The following FAM3A variants were observed in gnomAD, a reference collection of about 807,000 sequenced individuals.
FAM3A encodes the protein FAM3 metabolism regulating signaling molecule A, also known as protein FAM3A.
In FAM3A, 5 loss-of-function variants were observed where a neutral mutation model predicts 18.1. The ratio of observed to expected loss-of-function variants is 0.28; its 90% CI spans 0.14 to 0.58. The LOEUF is 0.58. FAM3A is among the 20% of genes least tolerant of loss of function. FAM3A has a pLI of 0.91. For missense variants in FAM3A, 154 were observed against 216.6 expected, an observed-to-expected ratio of 0.71 and a Z score of 1.81; for synonymous variants, 108 against 90.2, an observed-to-expected ratio of 1.20 and a Z score of -1.12.
intron 3 of FAM3A, chrX:154,508,882 GAAGT>G (rs2069716264): frequency 2.3e-6 from 1 of 432,053 alleles, no homozygotes; most frequent in Non-Finnish European, 4.4e-6. Context: ...AAGCAGGGGT[GAAGT>G]AAGTCAGGCT....
chrX:154,512,595 T>C (rs782720614), intron 2 of FAM3A, among the ~76,000 whole-genome samples: 35 of 111,436 alleles, frequency 3.1e-4, no homozygotes, highest in African/African-American at 1.1e-3. Context: ...CTGACTCCAG[T>C]TGGGCATATA....
At chrX:154,508,220 C>T (rs1410147516) in intron 5 of FAM3A, 69 bp downstream of exon 5, 36 of 864,935 alleles carry the variant, frequency 4.2e-5, no homozygotes, top group Non-Finnish European at 5.3e-5. Context: ...GGAGGGCAAA[C>T]ACCCAGAGGC....
intron 3 of FAM3A, chrX:154,508,957 T>G: frequency 4.1e-6 from 1 of 245,237 alleles, no homozygotes; most frequent in Non-Finnish European, 7.9e-6. Context: ...GGGGGTAGTG[T>G]GGCAGGGGGT....
chrX:154,507,519 G>C lies in FAM3A; in HGVS notation c.386-29C>G, dbSNP rs1402628202. Reference sequence around the variant, plus strand: ...GGGGGGCAGGTGCCACGGAACAGGGGTCATCAGGCACCACTGAGCACCCTC... The same window carrying C: ...GGGGGGCAGGTGCCACGGAACAGGGCTCATCAGGCACCACTGAGCACCCTC... On this transcript the variant is annotated intron_variant, in intron 6 of 8. Coordinates refer to ENST00000447601, the MANE Select transcript of FAM3A (RefSeq NM_021806.4). The C allele has an allele frequency of 2.6e-6, 3 of 1,174,366 alleles. No individual in the cohort carries two copies. In the Admixed American group the frequency reaches 6.6e-5, roughly 26 times the overall value.
chrX:154,509,172 GT>G (rs1287405666), intron 3 of FAM3A: 1 of 185,233 alleles, frequency 5.4e-6, no homozygotes, highest in Non-Finnish European at 1.0e-5. Flanking sequence ...CATGACTGAT[GT>G]CCTTATAAGA....
rs1259991073 is a variant in FAM3A, at chrX:154,507,338, T to C, written c.471-9A>G. The C allele has an allele frequency of 2.5e-6, 3 of 1,211,791 alleles. No individual in the cohort carries two copies. Among genetic ancestry groups the C allele is most frequent in the Non-Finnish European group, 3.4e-6 (3 of 895,395 alleles). On this transcript the variant is annotated splice_polypyrimidine_tract_variant and intron_variant, in intron 7 of 8. Coordinates refer to ENST00000447601, the MANE Select transcript of FAM3A (RefSeq NM_021806.4). ...TGGTCTCTTCATTCATCCTGCAGCA[T>C]GGGAGGAAGGGGTGTCAGCTGTTGC...
At position 154,508,362 on chromosome X, in the gene FAM3A, G is replaced by A. The variant is rs1557220488; in HGVS notation, c.276-15C>T. 2.7e-6 allele frequency: 1 copy of A among 376,586 alleles called. No individual in the cohort carries two copies. The highest frequency in any genetic ancestry group is 4.7e-6 in the Non-Finnish European group (1 of 211,695). The allele number at this position is 376,586 out of a possible 1,213,427, so 31.0% of individuals were successfully genotyped here. On this transcript the variant is annotated splice_polypyrimidine_tract_variant and intron_variant, in intron 4 of 8. Coordinates refer to ENST00000447601, the MANE Select transcript of FAM3A (RefSeq NM_021806.4). ...TGCTCATCAGCCTAGTTGGGGGGGG[G>A]TGGGGGGGACGGGGAGATCCCACAT...
In FAM3A at chrX:154,516,009, T is replaced by G; in HGVS notation, c.-237A>C. ...CTCAGGAACCCGTTGGCTCACGATCTTGCCCACAGGAGCCTCCGGGGCTGG... is the reference window on the plus strand; with the variant it reads ...CTCAGGAACCCGTTGGCTCACGATCGTGCCCACAGGAGCCTCCGGGGCTGG... On this transcript the variant is annotated 5_prime_UTR_variant, in exon 1 of 9. Coordinates refer to ENST00000447601, the MANE Select transcript of FAM3A (RefSeq NM_021806.4). 4.7e-6 allele frequency: 2 copies of G among 422,715 alleles called. No homozygotes were observed. The highest frequency in any genetic ancestry group is 8.3e-6 in the Non-Finnish European group (2 of 241,818). The allele number at this position is 422,715 out of a possible 1,213,427, so 34.8% of individuals were successfully genotyped here. A position where few individuals can be genotyped will look rare whatever the true frequency, so the allele number is the denominator to read the frequency against.
At position 154,507,600 on chromosome X, in the gene FAM3A, G is replaced by A. The variant is rs1436527967; in HGVS notation, c.386-110C>T. On this transcript the variant is annotated intron_variant, in intron 6 of 8. Coordinates refer to ENST00000447601, the MANE Select transcript of FAM3A (RefSeq NM_021806.4). The stretch of plus-strand genomic sequence containing the variant: ...GAAGTAGGGATTGGGCCTGGGACAT[G>A]CCCCGCCAAGGGACAGGCTGGTGTA... The A allele has an allele frequency of 4.5e-6, 4 of 898,150 alleles. No individual in the cohort carries two copies. In the Admixed American group the frequency reaches 1.0e-4, roughly 24 times the overall value. 74.0% of individuals were successfully genotyped at this position (898,150 alleles called of 1,213,427 possible).
In FAM3A at chrX:154,508,581, C is replaced by T. The variant is rs2069692971; in HGVS notation, c.168G>A (p.Lys56=). ...ACGGCTGGGGCAGGCCACACTTGTA[C>T]TTCCTGGCCCGTGGCGCTGGGCAGG... ...SSVTAAPRAR[K]YKCGLPQPCP... is the part of the protein sequence containing the mutation. Residue 56 remains lysine (K), a synonymous_variant, in exon 4 of 9, where the codon AAG becomes AAA. Transcript: ENST00000447601. 1.7e-6 allele frequency: 2 copies of T among 1,193,929 alleles called. No individual in the cohort carries two copies. The highest frequency in any genetic ancestry group is 1.7e-5 in the African/African-American group (1 of 57,788).
At chrX:154,507,602 C>G (rs1238079930) in intron 6 of FAM3A, 112 bp from the exon 7 acceptor site, 2 of 896,538 alleles carry the variant, frequency 2.2e-6, no homozygotes, top group Non-Finnish European at 3.1e-6. Flanking sequence ...TGGGACATGC[C>G]CCGCCAAGGG....
In FAM3A at chrX:154,515,619, G is replaced by A. The variant is rs2070154881; in HGVS notation, c.13+141C>T. ...AAGGATTTGGTTAAGGTCAAGGAAC[G>A]AGTGTTTGTGCAGAGTCCTCCATTT... On this transcript the variant is annotated intron_variant, in intron 1 of 8. Coordinates refer to ENST00000447601, the MANE Select transcript of FAM3A (RefSeq NM_021806.4). 6.2e-6 allele frequency: 4 copies of A among 648,176 alleles called. No homozygotes were observed. In the African/African-American group the frequency reaches 6.5e-5, roughly 10 times the overall value. 53.4% of individuals were successfully genotyped at this position (648,176 alleles called of 1,213,427 possible).
At chrX:154,508,967 T>A in intron 3 of FAM3A, 2 of 249,869 alleles carry the variant, frequency 8.0e-6, no homozygotes, top group Non-Finnish European at 1.5e-5. Context: ...TGGCAGGGGG[T>A]GCAGCCTGTC....
Position 154,512,942 on chromosome X carries a change from G to A in FAM3A, c.14-6C>T. ...GACCACAATGCGGAGAGGGCCTGGA[G>A]GCAGGATAGACACAGGGTGGGGTCA... On this transcript the variant is annotated splice_polypyrimidine_tract_variant and splice_region_variant and intron_variant, in intron 1 of 8. Coordinates refer to ENST00000447601, the MANE Select transcript of FAM3A (RefSeq NM_021806.4). The A allele has an allele frequency of 6.8e-6, 8 of 1,175,416 alleles. No individual in the cohort carries two copies. Among genetic ancestry groups the A allele is most frequent in the Non-Finnish European group, 9.3e-6 (8 of 862,604 alleles).
chrX:154,509,882 A>G (rs1391331703), intron 3 of FAM3A: 2 of 112,524 alleles, frequency 1.8e-5, no homozygotes, highest in Non-Finnish European at 3.8e-5. Flanking sequence ...CATTTAAACC[A>G]TATCAAGGCT....
At position 154,506,518 on chromosome X, in the gene FAM3A, G is replaced by A. The variant is rs960586187; in HGVS notation, c.*293C>T. The A allele has an allele frequency of 1.2e-4, 39 of 326,895 alleles. 1 individual carries two copies. Among genetic ancestry groups the A allele is most frequent in the Admixed American group, 5.2e-4 (11 of 21,212 alleles). 26.9% of individuals were successfully genotyped at this position (326,895 alleles called of 1,213,427 possible). A position where few individuals can be genotyped will look rare whatever the true frequency, so the allele number is the denominator to read the frequency against. On this transcript the variant is annotated 3_prime_UTR_variant, in exon 9 of 9. Transcript: ENST00000447601. The stretch of plus-strand genomic sequence containing the variant: ...GACTCAAGATGGGGATGGAGATGGC[G>A]TGAGGAATGGAGGACAGGGCTAGAT...
intron 5 of FAM3A, 82 bp downstream of exon 5, chrX:154,508,207 A>G: frequency 1.4e-6 from 1 of 727,225 alleles, no homozygotes; most frequent in Non-Finnish European, 1.9e-6. Context: ...ATGGGAGGGG[A>G]AGGGAGGGCA....
At position 154,516,065 on chromosome X, in the gene FAM3A, C is replaced by G; in HGVS notation, c.-293G>C. ...AGATGTGGTTCTCCTGGGCTCGGGC[C>G]GTTCCTCCGGGCCTGGGGGCTGGCG... On this transcript the variant is annotated 5_prime_UTR_variant, in exon 1 of 9. Transcript: ENST00000447601. 1 of 306,608 alleles carries G rather than the reference C, an allele frequency of 3.3e-6. No individual in the cohort carries two copies. The highest frequency in any genetic ancestry group is 5.7e-6 in the Non-Finnish European group (1 of 175,109). The allele number at this position is 306,608 out of a possible 1,213,427, so 25.3% of individuals were successfully genotyped here.
At chrX:154,508,818 G>T (rs1557221075) in intron 3 of FAM3A, 1 of 514,457 alleles carries the variant, frequency 1.9e-6, no homozygotes, top group Admixed American at 2.7e-5. Flanking sequence ...GTTACTGGTG[G>T]GAGAAAAGAA....
Sources: allele counts gnomAD v4.1 joint callset (sites outside exome capture counted in the v4.1 genomes callset), GRCh38; gene constraint gnomAD v4.1.1; transcripts MANE v1.5; gene names NCBI Gene and HGNC (gene_info 2026-07-23, HGNC 2026-07-21).